Variants in CTNNA3 observed in about 807,000 individuals in gnomAD.
CTNNA3 encodes the protein catenin alpha 3.
CTNNA3 carries 76 observed loss-of-function variants against 95.7 expected under a neutral mutation model. The observed-to-expected ratio is 0.79, with a 90% CI of 0.66 to 0.96. The LOEUF (loss-of-function observed/expected upper bound fraction) is 0.96, where lower values mean the gene tolerates loss of function less well. Among genes scored for constraint, CTNNA3 ranks in the 40% least tolerant of loss-of-function variants. The pLI is 0.00. For synonymous variants in CTNNA3, 431 were observed against 374.4 expected, an observed-to-expected ratio of 1.15 and a Z score of -1.74; for missense variants, 1,191 against 1,089.8, an observed-to-expected ratio of 1.09 and a Z score of -1.31.
intron 11 of CTNNA3, among the ~76,000 whole-genome samples, chr10:66,461,202 C>T (rs566046427): frequency 1.3e-5 from 2 of 152,078 alleles, no homozygotes; most frequent in South Asian, 2.1e-4. Flanking sequence ...TCACTGGAAA[C>T]ATTTTTGGAG....
At chr10:67,429,434 T>A (rs1846033083) in intron 5 of CTNNA3, among the ~76,000 whole-genome samples, 1 of 152,010 alleles carries the variant, frequency 6.6e-6, no homozygotes, top group Non-Finnish European at 1.5e-5. Flanking sequence ...CAGAGTTCTG[T>A]TTTCTTAATA....
intron 1 of CTNNA3, among the ~76,000 whole-genome samples, chr10:67,746,467 T>C (rs867886637): frequency 6.6e-6 from 1 of 151,028 alleles, no homozygotes; most frequent in Non-Finnish European, 1.5e-5. Context: ...CAAAACAGCA[T>C]GCGAATCCTG....
intron 10 of CTNNA3, among the ~76,000 whole-genome samples, chr10:66,528,212 C>G (rs1242950162): frequency 6.6e-6 from 1 of 152,126 alleles, no homozygotes; most frequent in Non-Finnish European, 1.5e-5. Flanking sequence ...CACCCCAGAC[C>G]AAAGCCAGTT....
chr10:67,008,234 C>T (rs1249594383), intron 7 of CTNNA3, among the ~76,000 whole-genome samples: 2 of 151,856 alleles, frequency 1.3e-5, no homozygotes, highest in Non-Finnish European at 1.5e-5. Context: ...AAGAAATGAA[C>T]ATATTAATGT....
rs566184097 is a variant in CTNNA3 at position 66,446,332 on chromosome 10, G to A, written c.1532-66980C>T. On this transcript the variant is annotated intron_variant, in intron 11 of 17. Transcript: ENST00000433211. Reference sequence around the variant, plus strand: ...CTCCCTAACTCATTTTATGAGGCCAGCATCATCCTGATACCAAAGCCTGGC... The same window carrying A: ...CTCCCTAACTCATTTTATGAGGCCAACATCATCCTGATACCAAAGCCTGGC... Among the ~76,000 whole-genome samples, 200 of 152,126 alleles carry A rather than the reference G, an allele frequency of 1.3e-3. 2 individuals carry two copies. Among genetic ancestry groups the A allele is most frequent in the African/African-American group, 4.5e-3 (185 of 41,478 alleles).
At chr10:66,222,538 GAA>G (rs1304402915) in intron 13 of CTNNA3, among the ~76,000 whole-genome samples, 1 of 147,290 alleles carries the variant, frequency 6.8e-6, no homozygotes, top group Non-Finnish European at 1.5e-5. Context: ...AGAAGGGAGA[GAA>G]AGAAGAAAAT....
intron 11 of CTNNA3, among the ~76,000 whole-genome samples, chr10:66,424,061 A>G (rs1440367890): frequency 1.3e-5 from 2 of 152,010 alleles, no homozygotes; most frequent in Non-Finnish European, 2.9e-5. Context: ...TTTCATGAAA[A>G]TTGTTCATTT....
At chr10:66,731,282 G>T (rs567091071) in intron 9 of CTNNA3, among the ~76,000 whole-genome samples, 2 of 152,302 alleles carry the variant, frequency 1.3e-5, no homozygotes, top group African/African-American at 4.8e-5. Context: ...AGAACTGGAG[G>T]TGCTCTTTTA....
chr10:67,112,981 TA>T (rs1478825326), intron 7 of CTNNA3, among the ~76,000 whole-genome samples: 1 of 152,190 alleles, frequency 6.6e-6, no homozygotes, highest in East Asian at 1.9e-4. Flanking sequence ...TAGAGGCCTG[TA>T]ACACAACCTG....
chr10:66,141,851 T>C (rs2083636869), intron 13 of CTNNA3, among the ~76,000 whole-genome samples: 1 of 152,102 alleles, frequency 6.6e-6, no homozygotes, highest in African/African-American at 2.4e-5. Flanking sequence ...TTGATGATAA[T>C]GTGTATTCTG....
intron 13 of CTNNA3, among the ~76,000 whole-genome samples, chr10:66,189,659 CAT>C (rs142435623): frequency 0.12 from 16,513 of 143,536 alleles, 1,554 homozygotes; most frequent in African/African-American, 0.26. Flanking sequence ...TACACACACA[CAT>C]ATATATATAT....
At position 66,697,256 on chromosome 10, in the gene CTNNA3, A is replaced by C. The variant is rs1348470634; in HGVS notation, c.1281+69008T>G. ...GTGTGTATATATATCAGATATATCT[A>C]TATATATATAGATATATAGATATCT... On this transcript the variant is annotated intron_variant, in intron 9 of 17. Transcript: ENST00000433211. Among the ~76,000 whole-genome samples, 10 of 149,204 alleles carry C rather than the reference A, an allele frequency of 6.7e-5. No homozygotes were observed. The East Asian group carries it at 1.9e-3, about 29-fold the overall frequency.
chr10:66,437,987 G>A (rs1303750554), intron 11 of CTNNA3, among the ~76,000 whole-genome samples: 1 of 152,272 alleles, frequency 6.6e-6, no homozygotes, highest in African/African-American at 2.4e-5. Flanking sequence ...GTTTGCTGGA[G>A]GTCCACTCCA....
intron 7 of CTNNA3, among the ~76,000 whole-genome samples, chr10:67,057,319 G>A (rs551025068): frequency 6.6e-6 from 1 of 152,176 alleles, no homozygotes; most frequent in East Asian, 1.9e-4. Context: ...CATATGTCAA[G>A]TATACTCTAA....
chr10:67,480,842 G>A (rs1427653547), intron 5 of CTNNA3, among the ~76,000 whole-genome samples: 1 of 152,128 alleles, frequency 6.6e-6, no homozygotes, highest in African/African-American at 2.4e-5. Context: ...GGGTCTCCAT[G>A]ACCAAGCTGG....
chr10:66,919,986 A>G (rs1589425506), intron 7 of CTNNA3, among the ~76,000 whole-genome samples: 1 of 152,198 alleles, frequency 6.6e-6, no homozygotes, highest in African/African-American at 2.4e-5. Context: ...TCAATGGTGT[A>G]TTCTGTATAA....
chr10:66,325,459 G>A (rs1170472933), intron 12 of CTNNA3, among the ~76,000 whole-genome samples: 1 of 152,120 alleles, frequency 6.6e-6, no homozygotes, highest in East Asian at 1.9e-4. Flanking sequence ...TGCCCAAGGT[G>A]GTCTTGAACT....
intron 5 of CTNNA3, among the ~76,000 whole-genome samples, chr10:67,336,417 A>C (rs1188735776): frequency 1.3e-5 from 2 of 152,188 alleles, no homozygotes; most frequent in African/African-American, 4.8e-5. Flanking sequence ...AAGCTCGCAG[A>C]GGTTGGTTTA....
At chr10:66,223,913 A>C (rs529200987) in intron 13 of CTNNA3, among the ~76,000 whole-genome samples, 14 of 152,106 alleles carry the variant, frequency 9.2e-5, no homozygotes, top group African/African-American at 3.4e-4. Flanking sequence ...AAAGCAACAA[A>C]AGGCTGGGTG....
Sources: allele counts gnomAD v4.1 joint callset (sites outside exome capture counted in the v4.1 genomes callset), GRCh38; gene constraint gnomAD v4.1.1; transcripts MANE v1.5; gene names NCBI Gene and HGNC (gene_info 2026-07-23, HGNC 2026-07-21).